The following ABCC1 variants were observed in gnomAD, a reference collection of about 807,000 sequenced individuals.
ABCC1 encodes ATP binding cassette subfamily C member 1 (ABCC1 blood group), also known as multidrug resistance-associated protein 1.
In ABCC1, 83 loss-of-function variants were observed where a neutral mutation model predicts 172.9. The ratio of observed to expected loss-of-function variants is 0.48; its 90% CI spans 0.40 to 0.58. The LOEUF (loss-of-function observed/expected upper bound fraction) is 0.58. Among genes scored for constraint, ABCC1 ranks in the 20% least tolerant of loss-of-function variants. The probability of loss-of-function intolerance (pLI) is 0.00; values close to 1 mark genes in which losing one functional copy is unlikely to be tolerated. For synonymous variants in ABCC1, 937 were observed against 825.2 expected, an observed-to-expected ratio of 1.14 and a Z score of -2.32; for missense variants, 1,817 against 2,002.7, an observed-to-expected ratio of 0.91 and a Z score of 1.77.
chr16:16,010,037 C>CTTTTTTTTGTTT (rs2047717800), intron 3 of ABCC1, 136 bp downstream of exon 3: 1 of 100,498 alleles, frequency 1.0e-5, no homozygotes, highest in African/African-American at 5.8e-5. Context: ...TAAATGTAGC[C>CTTTTTTTTGTTT]TTTTTTTTTT....
chr16:15,999,744 G>A (rs1028161252), intron 1 of ABCC1, among the ~76,000 whole-genome samples: 1 of 134,084 alleles, frequency 7.5e-6, no homozygotes, highest in African/African-American at 2.8e-5. Flanking sequence ...GGGATTAAAT[G>A]TGTGAGCCTC....
At chr16:15,990,780 G>C (rs2046843584) in intron 1 of ABCC1, among the ~76,000 whole-genome samples, 1 of 151,110 alleles carries the variant, frequency 6.6e-6, no homozygotes, top group African/African-American at 2.4e-5. Flanking sequence ...CTCCCGAGTA[G>C]CTGGAACCAC....
At chr16:16,103,509 G>A (rs550023094) in intron 20 of ABCC1, among the ~76,000 whole-genome samples, 54 of 152,326 alleles carry the variant, frequency 3.5e-4, no homozygotes, top group African/African-American at 9.6e-4. Context: ...GAACCCAGGA[G>A]GTGGAGGTTG....
At chr16:16,077,783 G>T (rs1313928386) in intron 15 of ABCC1, among the ~76,000 whole-genome samples, 1 of 152,230 alleles carries the variant, frequency 6.6e-6, no homozygotes, top group African/African-American at 2.4e-5. Context: ...AGCACTTTGG[G>T]AGGCCAAGGT....
chr16:16,138,155 A>G (rs2045987736), intron 29 of ABCC1, among the ~76,000 whole-genome samples: 1 of 152,022 alleles, frequency 6.6e-6, no homozygotes, highest in Non-Finnish European at 1.5e-5. Context: ...CTGTTTTGAG[A>G]ATGATTCTGA....
intron 7 of ABCC1, among the ~76,000 whole-genome samples, chr16:16,039,209 T>TTGTGTGTGTGTGTGTGTGTG (rs749877499): frequency 7.3e-6 from 1 of 137,132 alleles, no homozygotes; most frequent in African/African-American, 2.8e-5. Flanking sequence ...GAGGAAGCTT[T>TTGTGTGTGTGTGTGTGTGTG]TGTGTGTGTG....
intron 1 of ABCC1, among the ~76,000 whole-genome samples, chr16:15,960,813 G>C (rs1258307944): frequency 6.6e-6 from 1 of 152,032 alleles, no homozygotes; most frequent in East Asian, 1.9e-4. Context: ...CAAAGGAACT[G>C]CAGAGCCCAT....
Position 16,114,996 on chromosome 16 carries a change from G to A in ABCC1, c.3310G>A (p.Ala1104Thr). ...FMGSLFNVIG[A>T]CIVILLATPI... ...GGGCTCCCTGTTCAACGTCATTGGT[G>A]CCTGCATCGTTATCCTGCTGGCCAC... Residue 1104 changes from alanine to threonine, a missense_variant, in exon 23 of 31, where the codon GCC becomes ACC. By Grantham distance (58) the Ala-to-Thr change is moderately conservative. Transcript: ENST00000399410. 1.9e-6 allele frequency: 3 copies of A among 1,614,198 alleles called. No homozygotes were observed. Among genetic ancestry groups the A allele is most frequent in the South Asian group, 1.1e-5 (1 of 91,078 alleles).
intron 1 of ABCC1, among the ~76,000 whole-genome samples, chr16:15,997,291 C>T (rs2047091145): frequency 6.6e-6 from 1 of 152,116 alleles, no homozygotes; most frequent in South Asian, 2.1e-4. Context: ...CGGGGTTTCA[C>T]CATGTTAGCC....
intron 1 of ABCC1, among the ~76,000 whole-genome samples, chr16:15,982,563 C>T (rs1324350895): frequency 2.0e-5 from 3 of 150,906 alleles, no homozygotes; most frequent in Admixed American, 6.6e-5. Context: ...GGGTTTCTTC[C>T]ATGACATGTG....
chr16:16,021,726 G>GAACA (rs769146309), intron 5 of ABCC1, among the ~76,000 whole-genome samples: 5 of 152,144 alleles, frequency 3.3e-5, no homozygotes, highest in South Asian at 4.2e-4. Context: ...ACGAACAAAT[G>GAACA]AACAAACAAA....
At chr16:16,071,844 C>G (rs45595534) in intron 14 of ABCC1, 115 bp downstream of exon 14, 31 of 931,634 alleles carry the variant, frequency 3.3e-5, no homozygotes, top group Non-Finnish European at 5.2e-5. Context: ...TCTGCCCAGC[C>G]GCTTGTCTGC....
chr16:15,995,977 G>GTTTT (rs565769136), intron 1 of ABCC1, among the ~76,000 whole-genome samples: 44 of 98,608 alleles, frequency 4.5e-4, no homozygotes, highest in African/African-American at 7.3e-4. Context: ...GCCCAGCTAA[G>GTTTT]TTTTTTTTTT....
At position 16,131,152 on chromosome 16, in the gene ABCC1, G is replaced by C. The variant is rs569984045; in HGVS notation, c.3820-637G>C. On this transcript the variant is annotated intron_variant, in intron 26 of 30. Transcript: ENST00000399410. Reference sequence around the variant, plus strand: ...AAAAGAACAATGTCTATACAAATCAGTTGTACAATTATTTTAAAAGAATGG... The same window carrying C: ...AAAAGAACAATGTCTATACAAATCACTTGTACAATTATTTTAAAAGAATGG... Among the ~76,000 whole-genome samples the C allele has an allele frequency of 1.6e-4, 25 of 152,216 alleles. 1 individual carries two copies. Among genetic ancestry groups the C allele is most frequent in the African/African-American group, 6.0e-4 (25 of 41,530 alleles).
chr16:16,076,935 T>G (rs1242000306), intron 15 of ABCC1, among the ~76,000 whole-genome samples: 1 of 152,144 alleles, frequency 6.6e-6, no homozygotes, highest in African/African-American at 2.4e-5. Flanking sequence ...AGACACTGAG[T>G]GTGCTGATTG....
At chr16:16,074,896 G>C (rs1346285067) in intron 14 of ABCC1, among the ~76,000 whole-genome samples, 1 of 151,594 alleles carries the variant, frequency 6.6e-6, no homozygotes, top group African/African-American at 2.4e-5. Flanking sequence ...TCTCCAGATG[G>C]TCTTAAGGTG....
chr16:16,039,307 A>G (rs534734987), intron 7 of ABCC1, among the ~76,000 whole-genome samples: 16 of 106,788 alleles, frequency 1.5e-4, no homozygotes, highest in African/African-American at 5.8e-4. Flanking sequence ...TCATTCTGTT[A>G]CCCAGGGTGG....
chr16:15,954,675 G>A (rs940979148), intron 1 of ABCC1, among the ~76,000 whole-genome samples: 8 of 152,170 alleles, frequency 5.3e-5, no homozygotes, highest in Admixed American at 1.3e-4. Context: ...GCAGAAGGCA[G>A]CTGCAGCCGG....
At chr16:15,975,836 G>A (rs1038414928) in intron 1 of ABCC1, among the ~76,000 whole-genome samples, 5 of 152,008 alleles carry the variant, frequency 3.3e-5, no homozygotes, top group Non-Finnish European at 7.4e-5. Flanking sequence ...GATTACAGGC[G>A]TGAGCCGCCA....
Sources: allele counts gnomAD v4.1 joint callset (sites outside exome capture counted in the v4.1 genomes callset), GRCh38; gene constraint gnomAD v4.1.1; transcripts MANE v1.5; gene names NCBI Gene and HGNC (gene_info 2026-07-23, HGNC 2026-07-21).